Variants in AUTS2 observed in about 807,000 individuals in gnomAD.
AUTS2 encodes the protein autism susceptibility gene 2 protein.
In AUTS2, 17 loss-of-function variants were observed where a neutral mutation model predicts 112.4. The ratio of observed to expected loss-of-function variants is 0.15; its 90% CI spans 0.10 to 0.23. The LOEUF (loss-of-function observed/expected upper bound fraction) is 0.23, where lower values mean the gene tolerates loss of function less well. Among genes scored for constraint, AUTS2 ranks in the 10% least tolerant of loss-of-function variants. The pLI is 1.00. For synonymous variants in AUTS2, 751 were observed against 702.7 expected (o/e 1.07, Z -1.09); for missense variants, 1,510 against 1,701.6 (o/e 0.89, Z 1.98).
chr7:70,733,026 ATCAGTTTGTTAATAAAAC>A (rs1394487707), intron 6 of AUTS2, among the ~76,000 whole-genome samples: 1 of 152,178 alleles, frequency 6.6e-6, no homozygotes, highest in African/African-American at 2.4e-5. Context: ...GTGCTTCCTA[ATCAGTTTGTTAATAAAAC>A]TCAGTATTGT....
intron 4 of AUTS2, among the ~76,000 whole-genome samples, chr7:70,143,974 G>A (rs572899996): frequency 1.3e-5 from 2 of 152,104 alleles, no homozygotes; most frequent in East Asian, 1.9e-4. Context: ...ACCAACAAAT[G>A]ACTACTTATC....
chr7:69,997,077 G>A (rs770518322), intron 2 of AUTS2, among the ~76,000 whole-genome samples: 5 of 152,090 alleles, frequency 3.3e-5, no homozygotes, highest in Non-Finnish European at 5.9e-5. Flanking sequence ...CCAGGGTTGA[G>A]ATTTAACGGT....
intron 6 of AUTS2, 150 bp from the exon 7 acceptor site, chr7:70,762,720 G>T: frequency 1.5e-6 from 1 of 688,286 alleles, no homozygotes; most frequent in Non-Finnish European, 2.6e-6. Context: ...GCATACCCCC[G>T]CAGGTGGTGG....
At chr7:70,020,296 C>G (rs1301437790) in intron 2 of AUTS2, among the ~76,000 whole-genome samples, 1 of 152,084 alleles carries the variant, frequency 6.6e-6, no homozygotes, top group Non-Finnish European at 1.5e-5. Context: ...CCCCACCCCC[C>G]ACTCTCACCT....
Position 70,097,051 on chromosome 7 carries a change from A to G in AUTS2, c.523-21081A>G, listed in dbSNP as rs116820836. On this transcript the variant is annotated intron_variant, in intron 2 of 18. Coordinates refer to ENST00000342771, the MANE Select transcript of AUTS2 (RefSeq NM_015570.4). Reference sequence around the variant, plus strand: ...AAGAATTAGTACGAATGCATTTTCAATGACACCTTGGCCAAGAGGTTCATG... The same window carrying G: ...AAGAATTAGTACGAATGCATTTTCAGTGACACCTTGGCCAAGAGGTTCATG... 2.9e-3 allele frequency among the ~76,000 whole-genome samples: 448 copies of G among 152,358 alleles called. 5 individuals carry two copies. The highest frequency in any genetic ancestry group is 0.01 in the African/African-American group (433 of 41,590).
rs1792244834 is a variant in AUTS2 at position 69,599,432 on chromosome 7, T to G, written c.-222T>G. 1 of 398,448 alleles carries G rather than the reference T, an allele frequency of 2.5e-6. No homozygotes were observed. The highest frequency in any genetic ancestry group is 4.3e-6 in the Non-Finnish European group (1 of 235,004). The allele number at this position is 398,448 out of a possible 1,614,324, so 24.7% of individuals were successfully genotyped here. Reference sequence around the variant, plus strand: ...CACTTGGGCTCCTCGCCTCTCGCCCTCGCTCCCCGTCCCTCCTCCCCTCTC... The same window carrying G: ...CACTTGGGCTCCTCGCCTCTCGCCCGCGCTCCCCGTCCCTCCTCCCCTCTC... On this transcript the variant is annotated 5_prime_UTR_variant, in exon 1 of 19. Coordinates refer to ENST00000342771, the MANE Select transcript of AUTS2 (RefSeq NM_015570.4). The surrounding 1 kb of genome is among the most constrained non-coding windows in gnomAD (Gnocchi z 7.0).
Position 70,790,881 on chromosome 7 carries a change from C to A in AUTS2, c.3665C>A (p.Pro1222Gln), listed in dbSNP as rs1336239612. ...PPTAALSAPP[P>Q]LISTLGGRPV... ...ACAGCAGCGCTGAGCGCACCTCCCCCGCTCATCTCCACGCTGGGGGGCCGC... is the reference window on the plus strand; with the variant it reads ...ACAGCAGCGCTGAGCGCACCTCCCCAGCTCATCTCCACGCTGGGGGGCCGC... Residue 1222 changes from proline to glutamine, a missense_variant, in exon 19 of 19, where the codon CCG (proline) becomes CAG (glutamine). By Grantham distance (76) the Pro-to-Gln change is moderately conservative. Transcript: ENST00000342771. This position sits in a 1 kb window ranked among gnomAD's most constrained non-coding sequence, Gnocchi z 7.6. 7 of 1,602,384 alleles carry A rather than the reference C, an allele frequency of 4.4e-6. No individual in the cohort carries two copies. The highest frequency in any genetic ancestry group is 6.0e-6 in the Non-Finnish European group (7 of 1,173,982).
intron 10 of AUTS2, among the ~76,000 whole-genome samples, chr7:70,769,228 A>G (rs1279944204): frequency 6.6e-5 from 10 of 152,100 alleles, no homozygotes; most frequent in Admixed American, 6.5e-4. Context: ...CTCCCTCCCA[A>G]CATGGTCCCC....
intron 5 of AUTS2, among the ~76,000 whole-genome samples, chr7:70,455,252 G>A (rs1796688695): frequency 6.6e-6 from 1 of 152,146 alleles, no homozygotes. Flanking sequence ...TGGGGTGGGT[G>A]GGAAGAAGCC....
At chr7:69,968,492 G>A (rs1316329464) in intron 2 of AUTS2, among the ~76,000 whole-genome samples, 1 of 152,170 alleles carries the variant, frequency 6.6e-6, no homozygotes, top group East Asian at 1.9e-4. Context: ...ACATCCATAT[G>A]TGTCACTTAC....
chr7:69,899,173 CT>C, intron 1 of AUTS2, 112 bp from the exon 2 acceptor site: 1 of 754,572 alleles, frequency 1.3e-6, no homozygotes, highest in Non-Finnish European at 2.2e-6. Flanking sequence ...TCCCACTTTC[CT>C]ATCCCTCTCC....
intron 4 of AUTS2, among the ~76,000 whole-genome samples, chr7:70,333,592 T>G (rs1250411109): frequency 2.0e-5 from 3 of 152,082 alleles, no homozygotes; most frequent in Admixed American, 2.0e-4. Context: ...ATAAAGAAAA[T>G]GTGGCATATA....
intron 2 of AUTS2, among the ~76,000 whole-genome samples, chr7:70,049,295 A>T (rs1031381330): frequency 1.3e-5 from 2 of 152,084 alleles, no homozygotes; most frequent in African/African-American, 2.4e-5. Context: ...GGAAGTATAT[A>T]TCTTACTTTT....
intron 5 of AUTS2, among the ~76,000 whole-genome samples, chr7:70,500,105 C>T (rs1320496594): frequency 6.6e-6 from 1 of 151,752 alleles, no homozygotes; most frequent in Admixed American, 6.6e-5. Context: ...CACAACTACA[C>T]GTTTCCTCCC....
chr7:70,463,660 A>G (rs986209616), intron 5 of AUTS2, among the ~76,000 whole-genome samples: 9 of 152,282 alleles, frequency 5.9e-5, no homozygotes, highest in Admixed American at 3.9e-4. Flanking sequence ...CCCTTCCCCA[A>G]GTCTTCACCC....
intron 4 of AUTS2, among the ~76,000 whole-genome samples, chr7:70,391,241 ATGTTTTGTTTG>A (rs1381304417): frequency 5.3e-5 from 8 of 152,064 alleles, no homozygotes; most frequent in Non-Finnish European, 2.9e-5. Context: ...CTCAGCAAAT[ATGTTTTGTTTG>A]TGTTTTGTTG....
At chr7:69,860,015 A>G (rs1792903647) in intron 1 of AUTS2, among the ~76,000 whole-genome samples, 1 of 152,086 alleles carries the variant, frequency 6.6e-6, no homozygotes, top group Non-Finnish European at 1.5e-5. Context: ...AATTTTAAGG[A>G]CATTATACCT....
At chr7:69,978,115 A>C (rs1428060821) in intron 2 of AUTS2, among the ~76,000 whole-genome samples, 1 of 152,194 alleles carries the variant, frequency 6.6e-6, no homozygotes, top group Non-Finnish European at 1.5e-5. Flanking sequence ...ATAGAGGGTG[A>C]TAATTGCCTT....
intron 5 of AUTS2, among the ~76,000 whole-genome samples, chr7:70,592,197 A>G (rs1802981060): frequency 6.6e-6 from 1 of 152,188 alleles, no homozygotes; most frequent in Admixed American, 6.5e-5. Context: ...ACATCAAAGA[A>G]AGGGCAGAAT....
Sources: allele counts gnomAD v4.1 joint callset (sites outside exome capture counted in the v4.1 genomes callset), GRCh38; gene constraint gnomAD v4.1.1; non-coding constraint Gnocchi (gnomAD v3.1); transcripts MANE v1.5; gene names NCBI Gene and HGNC (gene_info 2026-07-23, HGNC 2026-07-21).